NCKAP5: variants seen among roughly 807,000 people sequenced by gnomAD.
NCKAP5 encodes nck-associated protein 5.
A neutral mutation model predicts 167.0 loss-of-function variants in NCKAP5; 92 were observed. That is an observed-to-expected ratio of 0.55 (90% CI 0.47 to 0.66). The LOEUF is 0.66. Among genes scored for constraint, NCKAP5 ranks in the 30% least tolerant of loss-of-function variants. The pLI, the probability that NCKAP5 is intolerant of heterozygous loss-of-function variation, is 0.00. For missense variants in NCKAP5, 2,378 were observed against 2,315.0 expected, an observed-to-expected ratio of 1.03 and a Z score of -0.56; for synonymous variants, 891 against 877.4, an observed-to-expected ratio of 1.02 and a Z score of -0.27.
intron 5 of NCKAP5, among the ~76,000 whole-genome samples, chr2:133,139,280 G>C (rs1355466521): frequency 6.6e-6 from 1 of 152,172 alleles, no homozygotes; most frequent in Non-Finnish European, 1.5e-5. Context: ...ATCAGGAAAA[G>C]CATAAGCAAT....
At chr2:133,119,714 A>G (rs1369407889) in intron 6 of NCKAP5, among the ~76,000 whole-genome samples, 10 of 152,166 alleles carry the variant, frequency 6.6e-5, no homozygotes, top group Admixed American at 3.3e-4. Flanking sequence ...ATTATAAACT[A>G]CAAAACAAAT....
intron 11 of NCKAP5, among the ~76,000 whole-genome samples, chr2:132,850,423 G>A (rs539065806): frequency 1.3e-5 from 2 of 152,144 alleles, no homozygotes; most frequent in South Asian, 4.2e-4. Context: ...GTAATTTAAG[G>A]CAGGAAGCTT....
At chr2:132,742,297 T>C (rs978693027) in intron 16 of NCKAP5, among the ~76,000 whole-genome samples, 13 of 151,948 alleles carry the variant, frequency 8.6e-5, no homozygotes, top group Non-Finnish European at 1.9e-4. Flanking sequence ...AACATCTGCC[T>C]TGATAAGACA....
chr2:133,292,305 T>TAA (rs35929972), intron 4 of NCKAP5, among the ~76,000 whole-genome samples: 129 of 144,114 alleles, frequency 9.0e-4, no homozygotes, highest in African/African-American at 3.1e-3. Flanking sequence ...CTTCTAGATT[T>TAA]AAAAAAAAAA....
chr2:132,730,516 A>C (rs958974758), intron 17 of NCKAP5, among the ~76,000 whole-genome samples: 4 of 152,122 alleles, frequency 2.6e-5, no homozygotes, highest in Admixed American at 1.3e-4. Flanking sequence ...AAAAACAAAA[A>C]AGACAGAACC....
chr2:133,017,167 A>C (rs2078367716), intron 6 of NCKAP5, among the ~76,000 whole-genome samples: 1 of 152,180 alleles, frequency 6.6e-6, no homozygotes, highest in South Asian at 2.1e-4. Flanking sequence ...ATACAAAACC[A>C]TCTGCTAATG....
chr2:133,151,483 G>A (rs1228486889), intron 5 of NCKAP5, among the ~76,000 whole-genome samples: 1 of 152,072 alleles, frequency 6.6e-6, no homozygotes, highest in Non-Finnish European at 1.5e-5. Flanking sequence ...GTGAGCAAAA[G>A]ATTTGAAAGA....
chr2:133,097,047 C>T (rs2081365818), intron 6 of NCKAP5, among the ~76,000 whole-genome samples: 1 of 152,088 alleles, frequency 6.6e-6, no homozygotes, highest in South Asian at 2.1e-4. Flanking sequence ...ACCACATTGC[C>T]CACGACATTT....
chr2:132,760,987 C>A (rs1446613241), intron 16 of NCKAP5, among the ~76,000 whole-genome samples: 2 of 152,122 alleles, frequency 1.3e-5, no homozygotes, highest in Non-Finnish European at 2.9e-5. Flanking sequence ...GGTCCCTGAG[C>A]CACATGAGTG....
intron 3 of NCKAP5, among the ~76,000 whole-genome samples, chr2:133,500,326 T>G (rs1228040261): frequency 6.6e-6 from 1 of 152,210 alleles, no homozygotes; most frequent in Non-Finnish European, 1.5e-5. Context: ...CCCTCTGAAG[T>G]TCACAGAATT....
Position 132,784,626 on chromosome 2 carries a change from A to G in NCKAP5, c.2185T>C (p.Tyr729His). ...TCTTCAGACCTTTTAAAGAAAGTATAGTCTCTTGCAGCAGCTCTTGGCTGT... is the reference window on the plus strand; with the variant it reads ...TCTTCAGACCTTTTAAAGAAAGTATGGTCTCTTGCAGCAGCTCTTGGCTGT... The part of the protein sequence containing the change: ...CLQPRAAARD[Y>H]TFFKRSEEDT... The change falls in exon 14 of 20, where the codon TAT becomes CAT. Residue 729 changes from tyrosine (Y) to histidine (H), a missense_variant. Coordinates refer to ENST00000409261, the MANE Select transcript of NCKAP5 (RefSeq NM_207363.3). 6.2e-7 allele frequency: 1 copy of G among 1,612,708 alleles called. No individual in the cohort carries two copies. Among genetic ancestry groups the G allele is most frequent in the Non-Finnish European group, 8.5e-7 (1 of 1,179,336 alleles).
chr2:132,936,409 C>G (rs965660141), intron 8 of NCKAP5, among the ~76,000 whole-genome samples: 1 of 152,176 alleles, frequency 6.6e-6, no homozygotes. Flanking sequence ...TGTAGTGAGA[C>G]ATTAACATTT....
chr2:132,907,666 C>CTTTTTTTTT (rs901705536), intron 8 of NCKAP5, among the ~76,000 whole-genome samples: 1 of 150,780 alleles, frequency 6.6e-6, no homozygotes, highest in African/African-American at 2.4e-5. Flanking sequence ...ATTCTTTTTT[C>CTTTTTTTTT]TTTTTTTTTG....
At chr2:133,109,166 T>C (rs906483971) in intron 6 of NCKAP5, among the ~76,000 whole-genome samples, 1 of 152,204 alleles carries the variant, frequency 6.6e-6, no homozygotes, top group Non-Finnish European at 1.5e-5. Context: ...ATAAGCTTCC[T>C]GAGCATCTTG....
At chr2:132,935,322 T>C (rs1696757086) in intron 8 of NCKAP5, among the ~76,000 whole-genome samples, 1 of 152,178 alleles carries the variant, frequency 6.6e-6, no homozygotes. Flanking sequence ...CTTCACCAAA[T>C]TGCAGCACAA....
At chr2:132,857,207 T>C (rs1289255245) in intron 11 of NCKAP5, among the ~76,000 whole-genome samples, 1 of 152,156 alleles carries the variant, frequency 6.6e-6, no homozygotes, top group East Asian at 1.9e-4. Context: ...ACACACTTTA[T>C]ACATTGTCTA....
At chr2:132,677,061 G>A (rs954687768) in intron 19 of NCKAP5, among the ~76,000 whole-genome samples, 5 of 152,126 alleles carry the variant, frequency 3.3e-5, no homozygotes, top group Non-Finnish European at 5.9e-5. Context: ...TGATAGACCC[G>A]GTGAAGATTA....
intron 3 of NCKAP5, among the ~76,000 whole-genome samples, chr2:133,331,869 C>T (rs1682876046): frequency 1.3e-5 from 2 of 152,178 alleles, no homozygotes; most frequent in African/African-American, 4.8e-5. Context: ...CCTGGTCCTT[C>T]GGTTTGAGGA....
At chr2:132,832,160 G>A (rs1048590507) in intron 11 of NCKAP5, among the ~76,000 whole-genome samples, 3 of 152,092 alleles carry the variant, frequency 2.0e-5, no homozygotes, top group African/African-American at 7.2e-5. Context: ...AAAATAGCAT[G>A]ATGGGATTTT....
Sources: allele counts gnomAD v4.1 joint callset (sites outside exome capture counted in the v4.1 genomes callset), GRCh38; gene constraint gnomAD v4.1.1; transcripts MANE v1.5; gene names NCBI Gene and HGNC (gene_info 2026-07-23, HGNC 2026-07-21).